The following PAK3 variants were observed in gnomAD, a reference collection of about 807,000 sequenced individuals.
The protein encoded by PAK3 is p21 (RAC1) activated kinase 3.
PAK3 carries 4 observed loss-of-function variants against 41.0 expected under a neutral mutation model. The ratio of observed to expected loss-of-function variants is 0.10; its 90% CI spans 0.05 to 0.22. The LOEUF (loss-of-function observed/expected upper bound fraction) is 0.22. PAK3 is among the 10% of genes least tolerant of loss of function. The pLI, the probability that PAK3 is intolerant of heterozygous loss-of-function variation, is 1.00. For synonymous variants in PAK3, 146 were observed against 139.6 expected (o/e 1.05, Z -0.32); for missense variants, 205 against 409.9 (o/e 0.50, Z 4.32).
intron 1 of PAK3, among the ~76,000 whole-genome samples, chrX:111,059,832 GA>G (rs1222547972): frequency 9.0e-6 from 1 of 111,524 alleles, no homozygotes; most frequent in Non-Finnish European, 1.9e-5. Context: ...GTTTTTTAGT[GA>G]ATTCCTCAAG....
At chrX:111,110,600 C>G in intron 4 of PAK3, among the ~76,000 whole-genome samples, 1 of 111,096 alleles carries the variant, frequency 9.0e-6, no homozygotes, top group Non-Finnish European at 1.9e-5. Context: ...AGTACCTTTC[C>G]AAACATAGCT....
intron 1 of PAK3, among the ~76,000 whole-genome samples, chrX:110,994,229 C>G (rs547999581): frequency 8.9e-6 from 1 of 112,301 alleles, no homozygotes; most frequent in African/African-American, 3.2e-5. Flanking sequence ...TTGTCCTTCT[C>G]AGATATTGTT....
At chrX:110,996,366 C>A (rs2091739338) in intron 1 of PAK3, among the ~76,000 whole-genome samples, 1 of 112,009 alleles carries the variant, frequency 8.9e-6, no homozygotes, top group Admixed American at 9.5e-5. Flanking sequence ...AACACAAATC[C>A]CAACCATTAT....
At chrX:111,031,855 A>C (rs2092344135) in intron 1 of PAK3, among the ~76,000 whole-genome samples, 1 of 111,823 alleles carries the variant, frequency 8.9e-6, no homozygotes, top group South Asian at 3.8e-4. Context: ...TAGGCAACAA[A>C]CAACAGTATT....
rs1368434578 is a variant in PAK3, at chrX:110,979,291, C to CTTTTTTTTTTTTTTTTTTTTTTTTTTTT, written c.-28+34667_-28+34668insTTTTTTTTTTTTTTTTTTTTTTTTTTTT. On this transcript the variant is annotated intron_variant, in intron 1 of 14. Coordinates refer to the PAK3 transcript ENST00000425146. ...CTTGTTTTATTCATTTTCTCTATTA[C>CTTTTTTTTTTTTTTTTTTTTTTTTTTTT]TTTTCTTTTTTTTTTTTTTTTTTTT... Among the ~76,000 whole-genome samples the CTTTTTTTTTTTTTTTTTTTTTTTTTTTT allele has an allele frequency of 1.0e-4, 2 of 19,827 alleles. 1 individual carries two copies. Among genetic ancestry groups the CTTTTTTTTTTTTTTTTTTTTTTTTTTTT allele is most frequent in the Non-Finnish European group, 3.4e-4 (2 of 5,822 alleles). The allele number at this position is 19,827 out of a possible 115,157, so 17.2% of individuals were successfully genotyped here.
intron 10 of PAK3, chrX:111,169,333 TG>T: frequency 5.7e-6 from 1 of 176,082 alleles, no homozygotes; most frequent in Non-Finnish European, 1.1e-5. Context: ...GGAAGATCTG[TG>T]GAATTCCCGT....
At chrX:110,958,855 ATGAT>A (rs902350897) in intron 1 of PAK3, among the ~76,000 whole-genome samples, 2 of 111,825 alleles carry the variant, frequency 1.8e-5, no homozygotes, top group African/African-American at 6.5e-5. Flanking sequence ...TAAATGCTGT[ATGAT>A]TGATTAACAA....
In PAK3 at chrX:111,199,553, G is replaced by A. The variant is rs150697534; in HGVS notation, c.1407+2913G>A. ...AATTACTTTAACAAAGTAAATAAAT[G>A]CATTTCCAGAACAGCTGTAATTTTT... is the stretch of plus-strand genomic sequence containing the variant. On this transcript the variant is annotated intron_variant, in intron 16 of 17. Transcript: ENST00000372007. Among the ~76,000 whole-genome samples the A allele has an allele frequency of 4.9e-3, 542 of 111,349 alleles. 2 individuals are homozygous for A. The highest frequency in any genetic ancestry group is 0.016 in the South Asian group (42 of 2,623).
chrX:111,049,073 T>C (rs1266634637), intron 1 of PAK3, among the ~76,000 whole-genome samples: 2 of 111,863 alleles, frequency 1.8e-5, no homozygotes, highest in Non-Finnish European at 3.8e-5. Flanking sequence ...ACTGTCTTTC[T>C]GTTCTGTTAA....
At position 111,224,040 on chromosome X, in the gene PAK3, C is replaced by T. The variant is rs1470702349; in HGVS notation, c.*3593C>T. The T allele has an allele frequency of 8.9e-6, 1 of 111,842 alleles. No individual in the cohort carries two copies. The highest frequency in any genetic ancestry group is 1.9e-5 in the Non-Finnish European group (1 of 53,171). 9.2% of individuals were successfully genotyped at this position (111,842 alleles called of 1,213,427 possible). Reference sequence around the variant, plus strand: ...AGACACATAGAAAAGATGCCAGAAGCAGATGCCTTCTGGCCAGAGCGCAGA... The same window carrying T: ...AGACACATAGAAAAGATGCCAGAAGTAGATGCCTTCTGGCCAGAGCGCAGA... On this transcript the variant is annotated 3_prime_UTR_variant, in exon 18 of 18. Coordinates refer to ENST00000372007, the MANE Select transcript of PAK3 (RefSeq NM_002578.5).
At chrX:111,211,747 T>C (rs900056437) in intron 16 of PAK3, among the ~76,000 whole-genome samples, 1 of 110,484 alleles carries the variant, frequency 9.1e-6, no homozygotes, top group Non-Finnish European at 1.9e-5. Flanking sequence ...TCTTTCTCCC[T>C]GTTCTTTTCC....
At chrX:111,143,965 C>T (rs1211480463) in intron 6 of PAK3, among the ~76,000 whole-genome samples, 2 of 111,032 alleles carry the variant, frequency 1.8e-5, no homozygotes, top group Middle Eastern at 4.7e-3. Flanking sequence ...AGTTGCTCTC[C>T]AATATTTTAT....
intron 1 of PAK3, among the ~76,000 whole-genome samples, chrX:110,972,000 T>C (rs1269114415): frequency 9.0e-6 from 1 of 111,221 alleles, no homozygotes; most frequent in Non-Finnish European, 1.9e-5. Context: ...TGAGAGTTCA[T>C]TTCTAGACTC....
intron 1 of PAK3, among the ~76,000 whole-genome samples, chrX:111,022,838 GAA>G (rs1397057044): frequency 9.0e-6 from 1 of 111,007 alleles, no homozygotes; most frequent in African/African-American, 3.3e-5. Flanking sequence ...TAAAGGGGTA[GAA>G]AAAGATATTC....
chrX:111,213,272 G>T (rs935697201), intron 16 of PAK3, among the ~76,000 whole-genome samples: 1 of 111,860 alleles, frequency 8.9e-6, no homozygotes, highest in Non-Finnish European at 1.9e-5. Flanking sequence ...GTACTGTAGA[G>T]GTTCGTAGCA....
chrX:111,057,440 G>T lies in PAK3; in HGVS notation c.-27-65637G>T, dbSNP rs191956039. On this transcript the variant is annotated intron_variant, in intron 1 of 14. Coordinates refer to the PAK3 transcript ENST00000425146. ...ATGTAAGTTGTAAATATCATGATTC[G>T]TGACCCTTAAATACTTTAGCAAGCC... is the stretch of plus-strand genomic sequence containing the variant. Among the ~76,000 whole-genome samples, 27 of 111,011 alleles carry T rather than the reference G, an allele frequency of 2.4e-4. No individual in the cohort carries two copies. The East Asian group carries it at 7.3e-3, about 30-fold the overall frequency.
intron 1 of PAK3, among the ~76,000 whole-genome samples, chrX:111,031,240 G>T (rs929833675): frequency 3.6e-5 from 4 of 111,813 alleles, no homozygotes; most frequent in Non-Finnish European, 7.5e-5. Flanking sequence ...ATTGGAAGTA[G>T]GTAGAGAGAG....
chrX:111,165,455 C>G (rs1362166510), intron 10 of PAK3, among the ~76,000 whole-genome samples: 1 of 111,731 alleles, frequency 9.0e-6, no homozygotes, highest in Non-Finnish European at 1.9e-5. Flanking sequence ...CTTAACTGAC[C>G]AAGTCACCAA....
intron 10 of PAK3, among the ~76,000 whole-genome samples, chrX:111,169,955 T>G (rs2094314752): frequency 9.0e-6 from 1 of 111,392 alleles, no homozygotes; most frequent in South Asian, 3.8e-4. Context: ...AGCTATCAAG[T>G]AATCCTGAAC....
Sources: allele counts gnomAD v4.1 joint callset (sites outside exome capture counted in the v4.1 genomes callset), GRCh38; gene constraint gnomAD v4.1.1; transcripts MANE v1.5; gene names NCBI Gene and HGNC (gene_info 2026-07-23, HGNC 2026-07-21).